SYNPO2: variants seen among roughly 807,000 people sequenced by gnomAD.
SYNPO2 encodes synaptopodin 2, also known as synaptopodin-2.
In SYNPO2, 56 loss-of-function variants were observed where a neutral mutation model predicts 85.0. The ratio of observed to expected loss-of-function variants is 0.66; its 90% CI spans 0.53 to 0.82. The LOEUF is 0.82. SYNPO2 is among the 40% of genes least tolerant of loss of function. The pLI, the probability that SYNPO2 is intolerant of heterozygous loss-of-function variation, is 0.00. For synonymous variants in SYNPO2, 602 were observed against 591.1 expected, an observed-to-expected ratio of 1.02 and a Z score of -0.27; for missense variants, 1,575 against 1,534.2, an observed-to-expected ratio of 1.03 and a Z score of -0.44.
intron 1 of SYNPO2, among the ~76,000 whole-genome samples, chr4:119,021,703 T>C (rs1737730072): frequency 6.6e-6 from 1 of 152,126 alleles, no homozygotes; most frequent in South Asian, 2.1e-4. Flanking sequence ...CAAATGATAA[T>C]GAAGCACCCA....
chr4:118,928,878 C>T (rs1200840680), intron 1 of SYNPO2, among the ~76,000 whole-genome samples: 4 of 152,150 alleles, frequency 2.6e-5, no homozygotes, highest in African/African-American at 9.7e-5. Flanking sequence ...TGTTCATGAA[C>T]TAAGCCACAA....
chr4:118,879,920 A>T lies in SYNPO2; in HGVS notation c.12+28980A>T, dbSNP rs116522792. ...CTGAGGCCTGTTGCCTGTCAGCAGC[A>T]TGGAGGTCTGCACTACTTTAGAGAC... On this transcript the variant is annotated intron_variant, in intron 1 of 4. Transcript: ENST00000610556. 6.4e-3 allele frequency among the ~76,000 whole-genome samples: 963 copies of T among 151,408 alleles called. 10 individuals carry two copies. The highest frequency in any genetic ancestry group is 0.022 in the African/African-American group (913 of 41,256).
rs199824013 is a variant in SYNPO2 at position 118,903,117 on chromosome 4, AT to A, written c.105+13977del. ...ATTGCTGCCTTTGTAGATAAAAAAAATATTGGAATATTACTTAGTTTTATAG... is the reference window on the plus strand; with the variant it reads ...ATTGCTGCCTTTGTAGATAAAAAAAAATTGGAATATTACTTAGTTTTATAG... On this transcript the variant is annotated intron_variant, in intron 1 of 4. Transcript: ENST00000307142. 5.3e-3 allele frequency among the ~76,000 whole-genome samples: 806 copies of A among 152,320 alleles called. 12 individuals are homozygous for A. The highest frequency in any genetic ancestry group is 0.018 in the African/African-American group (754 of 41,558).
intron 1 of SYNPO2, among the ~76,000 whole-genome samples, chr4:118,950,534 T>A (rs1038323010): frequency 6.6e-5 from 10 of 152,120 alleles, no homozygotes; most frequent in Admixed American, 3.9e-4. Context: ...TTTTGGCAGG[T>A]TCTGGGTTAT....
intron 4 of SYNPO2, chr4:119,033,447 A>T: frequency 1.0e-6 from 1 of 985,416 alleles, no homozygotes; most frequent in Non-Finnish European, 1.2e-6. Flanking sequence ...AGTAAACCTG[A>T]AGACCTTTCT....
chr4:118,880,608 C>T (rs1175356018), intron 1 of SYNPO2, among the ~76,000 whole-genome samples: 1 of 151,908 alleles, frequency 6.6e-6, no homozygotes, highest in Non-Finnish European at 1.5e-5. Flanking sequence ...ATTAGCTGGG[C>T]GTGGTGGCTG....
chr4:118,927,739 GATA>G (rs1450468568), intron 1 of SYNPO2, among the ~76,000 whole-genome samples: 123 of 135,184 alleles, frequency 9.1e-4, no homozygotes, highest in African/African-American at 3.4e-3. Context: ...TAGATAGATA[GATA>G]GATAGATGAT....
At chr4:119,028,298 T>C (rs1441728406) in intron 3 of SYNPO2, among the ~76,000 whole-genome samples, 1 of 151,854 alleles carries the variant, frequency 6.6e-6, no homozygotes, top group Non-Finnish European at 1.5e-5. Flanking sequence ...CACTTGACTG[T>C]ATATATGATA....
chr4:118,999,519 AT>A (rs1260872275), intron 1 of SYNPO2, among the ~76,000 whole-genome samples: 1 of 152,184 alleles, frequency 6.6e-6, no homozygotes, highest in Non-Finnish European at 1.5e-5. Flanking sequence ...TTATCTAATA[AT>A]TACAATATAA....
At chr4:119,051,293 C>T (rs1305071591) in intron 4 of SYNPO2, among the ~76,000 whole-genome samples, 1 of 135,802 alleles carries the variant, frequency 7.4e-6, no homozygotes, top group African/African-American at 2.8e-5. Context: ...GGGTTCACGC[C>T]ATTCTCCTGC....
At chr4:118,999,444 A>G (rs2029511) in intron 1 of SYNPO2, among the ~76,000 whole-genome samples, 85,374 of 151,954 alleles carry the variant, frequency 0.56, 24,069 homozygotes, top group South Asian at 0.63. Context: ...GAACCATGGC[A>G]CCCAGCCTGG....
chr4:118,963,036 A>G (rs1560916325), intron 1 of SYNPO2, among the ~76,000 whole-genome samples: 1 of 152,192 alleles, frequency 6.6e-6, no homozygotes. Flanking sequence ...AGGAGAGGTC[A>G]TTTTTCAAAG....
rs373809267 is a variant in SYNPO2 at position 119,057,660 on chromosome 4, G to A, written c.3512G>A (p.Gly1171Glu). ...VSAARRKVLPGPPEDWNERLS... is the reference protein window; with the variant it reads ...VSAARRKVLPEPPEDWNERLS... ...GCAGCTCGGAGGAAGGTGCTTCCAG[G>A]GCCTCCAGAGGATTGGAATGAAAGA... The change falls in exon 5 of 5, where the codon GGG becomes GAG. Residue 1171 changes from glycine to glutamate, a missense_variant. Around this residue, in one of 3 missense-constraint regions of SYNPO2, gnomAD observed 1,508 missense variants for 1,446.8 expected, o/e 1.04. Transcript: ENST00000307142. 2.7e-5 allele frequency: 43 copies of A among 1,614,050 alleles called. No homozygotes were observed. In the African/African-American group the frequency reaches 3.2e-4, roughly 12 times the overall value.
At chr4:118,920,639 T>G (rs1013011387) in intron 1 of SYNPO2, among the ~76,000 whole-genome samples, 2 of 152,286 alleles carry the variant, frequency 1.3e-5, no homozygotes, top group African/African-American at 4.8e-5. Flanking sequence ...AAAGAACTCT[T>G]TGTAGTTTGA....
intron 1 of SYNPO2, among the ~76,000 whole-genome samples, chr4:118,925,737 T>C (rs1485926543): frequency 6.6e-6 from 1 of 152,132 alleles, no homozygotes; most frequent in Non-Finnish European, 1.5e-5. Context: ...GAAAAGGAAA[T>C]GGGAACTATT....
intron 1 of SYNPO2, among the ~76,000 whole-genome samples, chr4:118,982,289 A>G (rs888241110): frequency 2.0e-5 from 3 of 152,210 alleles, no homozygotes; most frequent in Admixed American, 6.5e-5. Context: ...GCAGTGTAGG[A>G]ACAAAAAAGG....
At chr4:118,859,809 C>A (rs776832906) in intron 1 of SYNPO2, among the ~76,000 whole-genome samples, 6 of 152,176 alleles carry the variant, frequency 3.9e-5, no homozygotes, top group Non-Finnish European at 7.4e-5. Flanking sequence ...TTTATCCATT[C>A]ATTGGTTGAT....
At chr4:118,941,710 TA>T (rs1180252802) in intron 1 of SYNPO2, among the ~76,000 whole-genome samples, 3 of 152,228 alleles carry the variant, frequency 2.0e-5, no homozygotes, top group African/African-American at 7.2e-5. Context: ...GACTGAATGA[TA>T]ACATGGAGAG....
In SYNPO2 at chr4:119,059,875, T is replaced by C; in HGVS notation, c.*1941T>C. 6.6e-6 allele frequency: 1 copy of C among 152,310 alleles called. No homozygotes were observed. Among genetic ancestry groups the C allele is most frequent in the Middle Eastern group, 3.4e-3 (1 of 294 alleles). The allele number at this position is 152,310 out of a possible 1,614,324, so 9.4% of individuals were successfully genotyped here. Reference sequence around the variant, plus strand: ...GTTATATTGTTAAATTATCTTAAATTATCAAGGTGTAAGATGTAATGATCC... The same window carrying C: ...GTTATATTGTTAAATTATCTTAAATCATCAAGGTGTAAGATGTAATGATCC... On this transcript the variant is annotated 3_prime_UTR_variant, in exon 5 of 5. Coordinates refer to ENST00000307142, the MANE Select transcript of SYNPO2 (RefSeq NM_133477.3).
Sources: gnomAD v4.1 joint callset for allele counts (sites outside exome capture counted in the v4.1 genomes callset) on GRCh38, gnomAD v4.1.1 for gene constraint, gnomAD v4.1.1 regional missense constraint, MANE v1.5 for transcripts, NCBI Gene and HGNC (gene_info 2026-07-23, HGNC 2026-07-21) for gene names.